TPRG1: variants seen among roughly 807,000 people sequenced by gnomAD.
TPRG1 encodes tumor protein p63-regulated gene 1 protein.
A neutral mutation model predicts 29.3 loss-of-function variants in TPRG1; 29 were observed. That is an observed-to-expected ratio of 0.99 (90% CI 0.74 to 1.35). The LOEUF is 1.35. Ranked by LOEUF, TPRG1 falls within the 40% of genes most tolerant of loss-of-function variation. The pLI, the probability that TPRG1 is intolerant of heterozygous loss-of-function variation, is 0.00. For missense variants in TPRG1, 327 were observed against 335.0 expected (o/e 0.98, Z 0.19); for synonymous variants, 130 against 116.8 (o/e 1.11, Z -0.73).
At chr3:189,192,232 G>T (rs1211916216) in intron 1 of TPRG1, among the ~76,000 whole-genome samples, 2 of 152,174 alleles carry the variant, frequency 1.3e-5, no homozygotes, top group African/African-American at 4.8e-5. Context: ...ATCTTCTCTT[G>T]TCAGTTCTAG....
At chr3:189,244,415 A>G (rs995078867) in intron 4 of TPRG1, among the ~76,000 whole-genome samples, 4 of 152,046 alleles carry the variant, frequency 2.6e-5, no homozygotes, top group African/African-American at 9.7e-5. Context: ...ATGAGACTCC[A>G]TCTCAAAAAA....
upstream of TPRG1, among the ~76,000 whole-genome samples, chr3:189,095,259 G>GA (rs1473825628): frequency 6.6e-6 from 1 of 152,204 alleles, no homozygotes; most frequent in African/African-American, 2.4e-5. Flanking sequence ...TTTGGGTAAT[G>GA]AAGACTGGCA....
intron 4 of TPRG1, chr3:189,240,433 G>T (rs1016095229): frequency 6.6e-6 from 1 of 152,020 alleles, no homozygotes; most frequent in Admixed American, 6.6e-5. Flanking sequence ...CCATTGTCAC[G>T]TTGCTGATAA....
chr3:189,154,829 G>A (rs1726446797), intron 5 of TPRG1, among the ~76,000 whole-genome samples: 1 of 152,144 alleles, frequency 6.6e-6, no homozygotes, highest in Admixed American at 6.5e-5. Context: ...TAGTACATCA[G>A]ACGGTGACAA....
chr3:189,194,300 C>A (rs758617217), intron 1 of TPRG1, among the ~76,000 whole-genome samples: 1 of 152,176 alleles, frequency 6.6e-6, no homozygotes, highest in Non-Finnish European at 1.5e-5. Context: ...TCTCTCCTTA[C>A]TTTTCCTACA....
intron 3 of TPRG1, among the ~76,000 whole-genome samples, chr3:189,022,770 C>T (rs1219654146): frequency 6.6e-6 from 1 of 152,258 alleles, no homozygotes; most frequent in African/African-American, 2.4e-5. Flanking sequence ...TTGGAACTTC[C>T]CGGCTGCTTT....
intron 5 of TPRG1, among the ~76,000 whole-genome samples, chr3:189,157,947 TTAAA>T (rs1489146937): frequency 6.6e-6 from 1 of 152,220 alleles, no homozygotes; most frequent in Non-Finnish European, 1.5e-5. Context: ...TAACGAAGAC[TTAAA>T]TAAATAAGCA....
chr3:189,073,073 G>C (rs1716905342), intron 4 of TPRG1, among the ~76,000 whole-genome samples: 1 of 152,142 alleles, frequency 6.6e-6, no homozygotes, highest in Non-Finnish European at 1.5e-5. Context: ...ATGAGTACTG[G>C]TTTGTTTAGT....
Position 189,139,718 on chromosome 3 carries a change from G to A in TPRG1, c.-291+7021G>A, listed in dbSNP as rs149153247. On this transcript the variant is annotated intron_variant, in intron 3 of 6. Transcript: ENST00000412373. The stretch of plus-strand genomic sequence containing the variant: ...TGTTAGTCGTACTCCCCCACATCTC[G>A]CTAACTTTACAGTCCCCCATGGCAT... 1.6e-3 allele frequency among the ~76,000 whole-genome samples: 233 copies of A among 145,250 alleles called. 1 individual carries two copies. The highest frequency in any genetic ancestry group is 5.4e-3 in the African/African-American group (209 of 38,884).
intron 4 of TPRG1, among the ~76,000 whole-genome samples, chr3:189,281,190 C>G (rs1160409447): frequency 1.3e-5 from 2 of 152,180 alleles, no homozygotes; most frequent in Non-Finnish European, 2.9e-5. Context: ...GGTTAAGGAA[C>G]TGCTTCAAGG....
chr3:189,216,393 C>T (rs534274902), intron 3 of TPRG1, among the ~76,000 whole-genome samples: 1 of 152,254 alleles, frequency 6.6e-6, no homozygotes, highest in African/African-American at 2.4e-5. Flanking sequence ...ATTTTTCAAT[C>T]AATGGAAAGT....
chr3:189,087,074 A>G (rs1424582737), intron 4 of TPRG1, among the ~76,000 whole-genome samples: 1 of 152,226 alleles, frequency 6.6e-6, no homozygotes, highest in African/African-American at 2.4e-5. Flanking sequence ...TCCTTGAGGA[A>G]TCGCCACACT....
intron 2 of TPRG1, among the ~76,000 whole-genome samples, chr3:189,130,523 T>A (rs891953919): frequency 3.9e-5 from 6 of 152,246 alleles, no homozygotes; most frequent in Non-Finnish European, 1.5e-5. Flanking sequence ...CGTAGCAGAT[T>A]ATTTTAACCA....
Position 189,238,913 on chromosome 3 carries a change from AGT to A in TPRG1, c.479+5_479+6del. The A allele has an allele frequency of 6.2e-7, 1 of 1,600,024 alleles. No individual in the cohort carries two copies. On this transcript the variant is annotated splice_donor_5th_base_variant and intron_variant, in intron 4 of 5. Transcript: ENST00000345063. ...TCCCTGGGATGTCCCTGGACAAGTG[AGT>A]ATATATCTTATACTTGAAGAAGTGG...
Position 189,263,588 on chromosome 3 carries a change from AAACTGTGGGGACATCTCTGG to A in TPRG1, c.479+24682_479+24701del, listed in dbSNP as rs1713527018. ...AAACTAGTTTGAAAGCACTTACTAT[AAACTGTGGGGACATCTCTGG>A]AATTGCTGAGAAATGGGTTTGATTC... On this transcript the variant is annotated intron_variant, in intron 4 of 5. Transcript: ENST00000345063. Among the ~76,000 whole-genome samples the A allele has an allele frequency of 4.6e-5, 7 of 152,346 alleles. No homozygotes were observed. The South Asian group carries it at 1.4e-3, about 32-fold the overall frequency.
chr3:189,134,044 C>A (rs1723423151), intron 3 of TPRG1, among the ~76,000 whole-genome samples: 1 of 152,158 alleles, frequency 6.6e-6, no homozygotes, highest in Non-Finnish European at 1.5e-5. Context: ...GTTGAATACA[C>A]ATGTTAGCTA....
At chr3:189,089,710 T>C (rs1172308779) in intron 4 of TPRG1, among the ~76,000 whole-genome samples, 1 of 152,152 alleles carries the variant, frequency 6.6e-6, no homozygotes, top group African/African-American at 2.4e-5. Context: ...ATCATGATAA[T>C]GCACTAACCC....
chr3:189,037,925 T>C (rs562474496), intron 4 of TPRG1, among the ~76,000 whole-genome samples: 87 of 150,976 alleles, frequency 5.8e-4, no homozygotes, highest in Middle Eastern at 6.8e-3. Context: ...GCATACAAGA[T>C]CTGAATGAAT....
chr3:189,112,631 GA>G (rs1381228615), intron 1 of TPRG1, among the ~76,000 whole-genome samples: 1 of 152,108 alleles, frequency 6.6e-6, no homozygotes, highest in Non-Finnish European at 1.5e-5. Context: ...ATTAAATAGG[GA>G]ATCCTTTCCC....
Sources: gnomAD v4.1 joint callset for allele counts (sites outside exome capture counted in the v4.1 genomes callset) on GRCh38, gnomAD v4.1.1 for gene constraint, MANE v1.5 for transcripts, NCBI Gene and HGNC (gene_info 2026-07-23, HGNC 2026-07-21) for gene names.